The following CAND2 variants were observed in gnomAD, a reference collection of about 807,000 sequenced individuals.
CAND2 encodes cullin-associated NEDD8-dissociated protein 2.
CAND2 carries 62 observed loss-of-function variants against 98.9 expected under a neutral mutation model. The ratio of observed to expected loss-of-function variants is 0.63; its 90% CI spans 0.51 to 0.77. The LOEUF (loss-of-function observed/expected upper bound fraction) is 0.77. Among genes scored for constraint, CAND2 ranks in the 30% least tolerant of loss-of-function variants. CAND2 has a pLI of 0.00. For synonymous variants in CAND2, 770 were observed against 731.9 expected (o/e 1.05, Z -0.84); for missense variants, 1,501 against 1,655.2 (o/e 0.91, Z 1.62).
intron 11 of CAND2, among the ~76,000 whole-genome samples, chr3:12,822,066 G>A (rs776808616): frequency 9.9e-5 from 15 of 152,058 alleles, no homozygotes; most frequent in Admixed American, 2.0e-4. Flanking sequence ...TGTGATATTT[G>A]CCAAATGGTG....
chr3:12,817,056 G>A lies in CAND2; in HGVS notation c.2124G>A (p.Met708Ile). 6.2e-7 allele frequency: 1 copy of A among 1,612,992 alleles called. No homozygotes were observed. Among genetic ancestry groups the A allele is most frequent in the Non-Finnish European group, 8.5e-7 (1 of 1,179,980 alleles). Residue 708 changes from methionine to isoleucine, a missense_variant, in exon 10 of 15, where the codon ATG (methionine) becomes ATA (isoleucine). Transcript: ENST00000456430. ...ELPALVNESD[M>I]HVAQLAVDFL... ...CTGCCCTGGTCAACGAGAGCGACAT[G>A]CATGTGGCCCAGCTGGCTGTGGACT...
chr3:12,815,003 C>A lies in CAND2; in HGVS notation c.1007-138C>A. 1.3e-6 allele frequency: 1 copy of A among 792,228 alleles called. No homozygotes were observed. Among genetic ancestry groups the A allele is most frequent in the Non-Finnish European group, 2.0e-6 (1 of 501,208 alleles). The allele number at this position is 792,228 out of a possible 1,614,324, so 49.1% of individuals were successfully genotyped here. On this transcript the variant is annotated intron_variant, in intron 7 of 14. Coordinates refer to ENST00000456430, the MANE Select transcript of CAND2 (RefSeq NM_001162499.2). This position sits in a 1 kb window ranked among gnomAD's most constrained non-coding sequence, Gnocchi z 5.7. ...CCATTAAAAGGTAGGGAATGTTCCC[C>A]ATAGGGTATCTATAAATGCTGATCA...
chr3:12,807,017 C>T (rs1024165689), intron 2 of CAND2: 7 of 305,626 alleles, frequency 2.3e-5, no homozygotes, highest in Admixed American at 1.4e-4. Flanking sequence ...TAAACAAGCC[C>T]GCCAGGGGAT....
rs928404242 is a variant in CAND2, at chr3:12,815,629, T to A, written c.1299+196T>A. 3.3e-5 allele frequency among the ~76,000 whole-genome samples: 5 copies of A among 152,130 alleles called. No homozygotes were observed. Among genetic ancestry groups the A allele is most frequent in the African/African-American group, 4.8e-5 (2 of 41,408 alleles). On this transcript the variant is annotated intron_variant, in intron 8 of 14. Transcript: ENST00000456430. The surrounding 1 kb of genome is among the most constrained non-coding windows in gnomAD (Gnocchi z 5.7). ...TGACAGCCAGCCTGCCTGAGTGAGC[T>A]TGAGCAAGTTGCTTGGTCTCTCTGT...
intron 1 of CAND2, among the ~76,000 whole-genome samples, chr3:12,802,771 C>T (rs1407451918): frequency 3.3e-5 from 5 of 152,136 alleles, no homozygotes; most frequent in African/African-American, 9.7e-5. Flanking sequence ...CTTGTGTGAA[C>T]CTCATAGAGT....
Position 12,810,041 on chromosome 3 carries a change from C to T in CAND2, c.492-18C>T, listed in dbSNP as rs1345253119. On this transcript the variant is annotated intron_variant, in intron 4 of 14. Transcript: ENST00000456430. Reference sequence around the variant, plus strand: ...CCCGCGGAGTGCGATCGGCCTGATGCCCCCTCGTGCTCCCCAGGCTGGGTG... The same window carrying T: ...CCCGCGGAGTGCGATCGGCCTGATGTCCCCTCGTGCTCCCCAGGCTGGGTG... The T allele has an allele frequency of 1.4e-6, 2 of 1,400,582 alleles. No individual in the cohort carries two copies. Among genetic ancestry groups the T allele is most frequent in the Non-Finnish European group, 9.3e-7 (1 of 1,079,320 alleles). 86.8% of individuals were successfully genotyped at this position (1,400,582 alleles called of 1,614,324 possible).
chr3:12,815,728 A>T lies in CAND2; in HGVS notation c.1300-139A>T. ...TGCGGTCACCAAAAGCCTGGCACAG[A>T]GTGAGGGACGAGTGCTTGGGAGATA... On this transcript the variant is annotated intron_variant, in intron 8 of 14. Transcript: ENST00000456430. The surrounding 1 kb of genome is among the most constrained non-coding windows in gnomAD (Gnocchi z 5.7). The T allele has an allele frequency of 1.2e-6, 1 of 854,734 alleles. No individual in the cohort carries two copies. The highest frequency in any genetic ancestry group is 1.8e-6 in the Non-Finnish European group (1 of 550,568). 52.9% of individuals were successfully genotyped at this position (854,734 alleles called of 1,614,324 possible).
chr3:12,803,639 T>C lies in CAND2; in HGVS notation c.212+8T>C, dbSNP rs771547809. On this transcript the variant is annotated splice_region_variant and intron_variant, in intron 2 of 14. Transcript: ENST00000456430. ...GAACCTGGCTGTCAAGTGGTGAGTG[T>C]CAGCCTCGGTGGAGCAGGAGAGGGG... 5.0e-6 allele frequency: 8 copies of C among 1,593,032 alleles called. No individual in the cohort carries two copies. The highest frequency in any genetic ancestry group is 6.8e-6 in the Non-Finnish European group (8 of 1,168,360).
intron 7 of CAND2, among the ~76,000 whole-genome samples, chr3:12,814,615 A>G (rs1016430558): frequency 2.0e-5 from 3 of 152,158 alleles, no homozygotes; most frequent in African/African-American, 7.2e-5. Flanking sequence ...AGAAGAGGCC[A>G]AAGGGAGGCT....
chr3:12,800,563 G>A (rs1428924148), intron 1 of CAND2, among the ~76,000 whole-genome samples: 1 of 152,174 alleles, frequency 6.6e-6, no homozygotes, highest in Admixed American at 6.5e-5. Flanking sequence ...ATGCCTGCAG[G>A]AGCCAGTCAG....
In CAND2 at chr3:12,810,413, C is replaced by A. The variant is rs879211905; in HGVS notation, c.757+89C>A. On this transcript the variant is annotated intron_variant, in intron 5 of 14. Coordinates refer to ENST00000456430, the MANE Select transcript of CAND2 (RefSeq NM_001162499.2). ...CTCGGTAAAGGGGCGGAGCTTGGGC[C>A]GCAGTGCAGCCAGGGCCTAAGGGTG... 8.9e-6 allele frequency: 11 copies of A among 1,238,596 alleles called. 1 individual carries two copies. In the South Asian group the frequency reaches 1.7e-4, roughly 19 times the overall value. The allele number at this position is 1,238,596 out of a possible 1,614,324, so 76.7% of individuals were successfully genotyped here. A position where few individuals can be genotyped will look rare whatever the true frequency, so the allele number is the denominator to read the frequency against.
chr3:12,820,265 G>A, intron 11 of CAND2, 84 bp downstream of exon 11: 1 of 1,048,138 alleles, frequency 9.5e-7, no homozygotes, highest in East Asian at 2.5e-5. Context: ...CTACCCAATA[G>A]CCAAGGGCAA....
chr3:12,815,041 G>A lies in CAND2; in HGVS notation c.1007-100G>A. The stretch of plus-strand genomic sequence containing the variant: ...TAAATGCTGATCATCAAAAAGTGAA[G>A]CACAGTGCCCAGCTCTCTCTCCTCC... On this transcript the variant is annotated intron_variant, in intron 7 of 14. Transcript: ENST00000456430. The surrounding 1 kb of genome is among the most constrained non-coding windows in gnomAD (Gnocchi z 5.7). The A allele has an allele frequency of 8.2e-7, 1 of 1,220,014 alleles. No individual in the cohort carries two copies. Among genetic ancestry groups the A allele is most frequent in the Non-Finnish European group, 1.2e-6 (1 of 864,964 alleles). The allele number at this position is 1,220,014 out of a possible 1,614,324, so 75.6% of individuals were successfully genotyped here.
intron 1 of CAND2, among the ~76,000 whole-genome samples, chr3:12,802,184 G>A (rs985463725): frequency 3.9e-5 from 6 of 152,158 alleles, no homozygotes; most frequent in East Asian, 1.9e-4. Flanking sequence ...AAAATTAGCC[G>A]GGCGTGGTGG....
chr3:12,813,452 C>A, intron 7 of CAND2, 64 bp downstream of exon 7: 2 of 1,547,308 alleles, frequency 1.3e-6, no homozygotes, highest in East Asian at 2.2e-5. Context: ...CTGGGATCCC[C>A]CAACCAAAGA....
At chr3:12,808,821 A>AG (rs1210420073) in intron 4 of CAND2, among the ~76,000 whole-genome samples, 8 of 152,262 alleles carry the variant, frequency 5.3e-5, no homozygotes, top group Non-Finnish European at 1.0e-4. Flanking sequence ...AGGATGCTGG[A>AG]GGGGAGACTG....
Position 12,814,598 on chromosome 3 carries a change from G to A in CAND2, c.1007-543G>A, listed in dbSNP as rs375825209. On this transcript the variant is annotated intron_variant, in intron 7 of 14. Transcript: ENST00000456430. ...TCAGGACCCTTGAGAGGCAGAGATC[G>A]GGGGAGAGAAGAGGCCAAAGGGAGG... Among the ~76,000 whole-genome samples, 20 of 152,250 alleles carry A rather than the reference G, an allele frequency of 1.3e-4. 2 individuals carry two copies. The highest frequency in any genetic ancestry group is 2.6e-4 in the Admixed American group (4 of 15,292).
intron 14 of CAND2, among the ~76,000 whole-genome samples, 158 bp from the exon 15 acceptor site, chr3:12,833,597 G>A (rs1330657310): frequency 6.6e-6 from 1 of 152,164 alleles, no homozygotes; most frequent in Non-Finnish European, 1.5e-5. Context: ...GGTGGAGTTA[G>A]GAAATAGCTG....
At chr3:12,819,004 T>G (rs1163375472) in intron 10 of CAND2, among the ~76,000 whole-genome samples, 3 of 152,226 alleles carry the variant, frequency 2.0e-5, no homozygotes, top group African/African-American at 7.2e-5. Context: ...CACCAACTGC[T>G]GGGAAGCTTA....
Sources: gnomAD v4.1 joint callset for allele counts (sites outside exome capture counted in the v4.1 genomes callset) on GRCh38, gnomAD v4.1.1 for gene constraint, Gnocchi (gnomAD v3.1) non-coding constraint, MANE v1.5 for transcripts, NCBI Gene and HGNC (gene_info 2026-07-23, HGNC 2026-07-21) for gene names.